Variants in PCCA observed in about 807,000 individuals in gnomAD.
PCCA encodes the protein propionyl-CoA carboxylase alpha chain, mitochondrial.
Under a neutral mutation model 101.3 loss-of-function variants are expected in PCCA, and 74 were observed. The ratio of observed to expected loss-of-function variants is 0.73; its 90% CI spans 0.61 to 0.89. The LOEUF is 0.89. Among genes scored for constraint, PCCA ranks in the 40% least tolerant of loss-of-function variants. The pLI is 0.00. For missense variants in PCCA, 891 were observed against 907.0 expected, an observed-to-expected ratio of 0.98 and a Z score of 0.23; for synonymous variants, 294 against 313.6, an observed-to-expected ratio of 0.94 and a Z score of 0.66.
chr13:100,346,380 G>C (rs1269612294), intron 18 of PCCA, among the ~76,000 whole-genome samples: 1 of 152,154 alleles, frequency 6.6e-6, no homozygotes, highest in Non-Finnish European at 1.5e-5. Flanking sequence ...CTACAGTTGG[G>C]GTGGAAATAG....
intron 21 of PCCA, among the ~76,000 whole-genome samples, chr13:100,483,279 A>C (rs2084098815): frequency 6.6e-6 from 1 of 151,584 alleles, no homozygotes; most frequent in South Asian, 2.1e-4. Context: ...AGCTGGGCTT[A>C]ATCTGCATTA....
At chr13:100,190,136 G>A (rs2057637785) in intron 6 of PCCA, among the ~76,000 whole-genome samples, 1 of 152,138 alleles carries the variant, frequency 6.6e-6, no homozygotes, top group African/African-American at 2.4e-5. Context: ...TACAATGAGA[G>A]CACTGTTTTC....
At chr13:100,526,236 T>C (rs1186745419) in intron 22 of PCCA, among the ~76,000 whole-genome samples, 1 of 152,044 alleles carries the variant, frequency 6.6e-6, no homozygotes, top group Non-Finnish European at 1.5e-5. Flanking sequence ...GCCCCTCCCA[T>C]CCCCCTGCAA....
chr13:100,433,646 G>C (rs928425092), intron 20 of PCCA, among the ~76,000 whole-genome samples: 14 of 152,082 alleles, frequency 9.2e-5, no homozygotes, highest in African/African-American at 3.1e-4. Flanking sequence ...TCAAAGTCTA[G>C]TTCATTGTAA....
chr13:100,109,995 T>C (rs2048158690), intron 2 of PCCA, among the ~76,000 whole-genome samples: 2 of 151,986 alleles, frequency 1.3e-5, no homozygotes, highest in African/African-American at 4.8e-5. Context: ...TTAGCCGGGC[T>C]TGGTGGTGCG....
At chr13:100,279,972 A>C (rs990853536) in intron 12 of PCCA, among the ~76,000 whole-genome samples, 4 of 147,020 alleles carry the variant, frequency 2.7e-5, no homozygotes, top group Non-Finnish European at 6.0e-5. Flanking sequence ...TTGAACTTTC[A>C]CTTTTTCCAG....
intron 19 of PCCA, among the ~76,000 whole-genome samples, chr13:100,387,780 T>A (rs1207335321): frequency 6.6e-6 from 1 of 152,184 alleles, no homozygotes; most frequent in Non-Finnish European, 1.5e-5. Context: ...ATCCTGCCCG[T>A]GTACTCTGGA....
chr13:100,148,571 A>G (rs937139938), intron 4 of PCCA, among the ~76,000 whole-genome samples: 13 of 152,056 alleles, frequency 8.5e-5, no homozygotes, highest in Admixed American at 3.3e-4. Flanking sequence ...TTCTCCCTTG[A>G]TGCTTCTACT....
intron 6 of PCCA, among the ~76,000 whole-genome samples, chr13:100,194,201 G>C (rs1275097485): frequency 6.6e-6 from 1 of 152,068 alleles, no homozygotes; most frequent in Non-Finnish European, 1.5e-5. Flanking sequence ...CCAACTGTAG[G>C]TACAGCATAC....
At chr13:100,500,201 G>A (rs575593236) in intron 21 of PCCA, among the ~76,000 whole-genome samples, 40 of 152,260 alleles carry the variant, frequency 2.6e-4, no homozygotes, top group African/African-American at 9.6e-4. Context: ...CCACATTCTA[G>A]TAAGATTGTA....
intron 19 of PCCA, among the ~76,000 whole-genome samples, chr13:100,423,332 C>A (rs183842320): frequency 2.2e-4 from 33 of 152,304 alleles, no homozygotes; most frequent in Admixed American, 1.1e-3. Flanking sequence ...CTGGTATTAA[C>A]CCGTGGTTCA....
rs1344574242 is a variant in PCCA, at chr13:100,340,209, ATTGT to A, written c.1598_1601del (p.Phe533TrpfsTer5). 1 of 1,612,074 alleles carries A rather than the reference ATTGT, an allele frequency of 6.2e-7. No individual in the cohort carries two copies. ...ACCAGTTATTGGCAATAGCATCATCATTGTTTGTGGCATTCCAGTTAAGAGCACA... is the reference window on the plus strand; with the variant it reads ...ACCAGTTATTGGCAATAGCATCATCATTGTGGCATTCCAGTTAAGAGCACA... On this transcript the variant is annotated frameshift_variant, in exon 18 of 24. Transcript: ENST00000376285. LOFTEE classifies it high-confidence loss of function.
intron 20 of PCCA, among the ~76,000 whole-genome samples, chr13:100,440,125 G>A (rs1361811734): frequency 3.8e-5 from 5 of 131,354 alleles, no homozygotes; most frequent in South Asian, 2.5e-4. Context: ...CAGATTAAAT[G>A]GATTAGTTGT....
chr13:100,197,032 T>G (rs2058148955), intron 6 of PCCA, among the ~76,000 whole-genome samples: 1 of 152,186 alleles, frequency 6.6e-6, no homozygotes, highest in South Asian at 2.1e-4. Context: ...AGGATTTATA[T>G]TCCAGTCTTC....
At chr13:100,490,951 C>T (rs2084861250) in intron 21 of PCCA, 1 of 152,336 alleles carries the variant, frequency 6.6e-6, no homozygotes, top group Non-Finnish European at 1.5e-5. Context: ...TCAAAATCAC[C>T]TGCTGAGCTT....
intron 4 of PCCA, among the ~76,000 whole-genome samples, chr13:100,147,054 A>T (rs1040313844): frequency 1.3e-5 from 2 of 152,110 alleles, no homozygotes; most frequent in Non-Finnish European, 2.9e-5. Flanking sequence ...GTAGAATAAA[A>T]TGTAGTGTGA....
At chr13:100,257,377 G>A (rs1448140640) in intron 8 of PCCA, among the ~76,000 whole-genome samples, 1 of 25,326 alleles carries the variant, frequency 3.9e-5, no homozygotes, top group African/African-American at 5.3e-5. Flanking sequence ...ATTGGTACAA[G>A]TACCCTTTTT....
At chr13:100,348,919 CTTTTCTTTTCTTTT>C in intron 18 of PCCA, among the ~76,000 whole-genome samples, 1 of 56,350 alleles carries the variant, frequency 1.8e-5, no homozygotes, top group Non-Finnish European at 4.0e-5. Flanking sequence ...CCTTTCTTTT[CTTTTCTTTTCTTTT>C]CTTTCTTTTC....
intron 4 of PCCA, among the ~76,000 whole-genome samples, chr13:100,118,323 T>A (rs1350757766): frequency 1.3e-5 from 2 of 152,116 alleles, no homozygotes; most frequent in Admixed American, 6.5e-5. Flanking sequence ...AGTTGTCCTT[T>A]TTAATATTTT....
Sources: allele counts gnomAD v4.1 joint callset (sites outside exome capture counted in the v4.1 genomes callset), GRCh38; gene constraint gnomAD v4.1.1; transcripts MANE v1.5; gene names NCBI Gene and HGNC (gene_info 2026-07-23, HGNC 2026-07-21).